The following DLG2 variants were observed in gnomAD, a reference collection of about 807,000 sequenced individuals.
DLG2 encodes disks large homolog 2.
A neutral mutation model predicts 132.5 loss-of-function variants in DLG2; 45 were observed. The observed-to-expected ratio is 0.34, with a 90% CI of 0.27 to 0.44. DLG2 has a LOEUF of 0.44. Among genes scored for constraint, DLG2 ranks in the 20% least tolerant of loss-of-function variants. The probability of loss-of-function intolerance (pLI) is 1.00; values close to 1 mark genes in which losing one functional copy is unlikely to be tolerated. For missense variants in DLG2, 1,045 were observed against 1,196.9 expected, an observed-to-expected ratio of 0.87 and a Z score of 1.87; for synonymous variants, 424 against 419.6, an observed-to-expected ratio of 1.01 and a Z score of -0.13.
intron 6 of DLG2, among the ~76,000 whole-genome samples, chr11:84,708,681 AGGAACCT>A (rs1444912620): frequency 1.3e-5 from 2 of 151,900 alleles, no homozygotes; most frequent in African/African-American, 4.8e-5. Flanking sequence ...TGCTGTAGCT[AGGAACCT>A]GTCAGCATTT....
At chr11:83,799,434 G>A (rs930966462) in intron 17 of DLG2, among the ~76,000 whole-genome samples, 3 of 152,162 alleles carry the variant, frequency 2.0e-5, no homozygotes, top group Admixed American at 6.5e-5. Context: ...GTAGATAATC[G>A]GATGTGATAC....
intron 6 of DLG2, among the ~76,000 whole-genome samples, chr11:84,540,325 G>T (rs2099365155): frequency 7.2e-6 from 1 of 139,562 alleles, no homozygotes; most frequent in East Asian, 2.1e-4. Flanking sequence ...AATCCACAAA[G>T]AACTTAAACA....
intron 6 of DLG2, among the ~76,000 whole-genome samples, chr11:84,586,682 TTTG>T (rs1338488499): frequency 4.6e-5 from 7 of 152,156 alleles, no homozygotes; most frequent in African/African-American, 1.7e-4. Flanking sequence ...TTGCTTTATA[TTTG>T]TTATTGACTT....
chr11:85,094,074 T>G (rs2069315279), intron 6 of DLG2, among the ~76,000 whole-genome samples: 1 of 152,252 alleles, frequency 6.6e-6, no homozygotes, highest in Non-Finnish European at 1.5e-5. Flanking sequence ...CTTTAGGATT[T>G]TAATCTTTTT....
At chr11:84,086,561 C>T (rs2096985660) in intron 10 of DLG2, among the ~76,000 whole-genome samples, 1 of 148,148 alleles carries the variant, frequency 6.8e-6, no homozygotes, top group Non-Finnish European at 1.5e-5. Flanking sequence ...GCAATCATGG[C>T]TCACTGCAGC....
Position 84,058,593 on chromosome 11 carries a change from G to A in DLG2, c.919+722C>T, listed in dbSNP as rs1229775243. Among the ~76,000 whole-genome samples, 5 of 150,872 alleles carry A rather than the reference G, an allele frequency of 3.3e-5. No individual in the cohort carries two copies. In the East Asian group the frequency reaches 9.7e-4, roughly 29 times the overall value. ...TCCCAGCTATTTGAGAGGCTGAGAT[G>A]GGAGGATCACTTGAGCCCAGGAGCT... On this transcript the variant is annotated intron_variant, in intron 11 of 27. Coordinates refer to ENST00000376104, the MANE Select transcript of DLG2 (RefSeq NM_001142699.3).
In DLG2 at chr11:84,473,606, T is replaced by C. The variant is rs930645318; in HGVS notation, c.519+60964A>G. On this transcript the variant is annotated intron_variant, in intron 7 of 27. Coordinates refer to ENST00000376104, the MANE Select transcript of DLG2 (RefSeq NM_001142699.3). ...AGAATTAGCTCTATTAGAAGTATTC[T>C]AAAGCCATTTTCTCCAGAGGTAATT... is the stretch of plus-strand genomic sequence containing the variant. 4.6e-5 allele frequency among the ~76,000 whole-genome samples: 7 copies of C among 152,134 alleles called. No homozygotes were observed. The South Asian group carries it at 1.0e-3, about 23-fold the overall frequency.
intron 18 of DLG2, among the ~76,000 whole-genome samples, chr11:83,707,113 T>A (rs1386949413): frequency 1.3e-5 from 2 of 152,192 alleles, no homozygotes; most frequent in Non-Finnish European, 2.9e-5. Flanking sequence ...TTTCTAGAAC[T>A]AAGTGGTCTG....
Position 85,360,996 on chromosome 11 carries a change from C to A in DLG2, c.41-75631G>T, listed in dbSNP as rs185898904. Among the ~76,000 whole-genome samples the A allele has an allele frequency of 5.9e-4, 89 of 152,126 alleles. 1 individual carries two copies. The highest frequency in any genetic ancestry group is 5.8e-3 in the Admixed American group (89 of 15,280). ...TGTAAAGCTCTTCCCTATAGTATTT[C>A]ATTGTATTTTTACAGCTCTATGAAA... On this transcript the variant is annotated intron_variant, in intron 3 of 27. Coordinates refer to ENST00000376104, the MANE Select transcript of DLG2 (RefSeq NM_001142699.3).
chr11:84,687,582 T>C (rs573610230), intron 6 of DLG2, among the ~76,000 whole-genome samples: 7 of 152,318 alleles, frequency 4.6e-5, no homozygotes, highest in Non-Finnish European at 8.8e-5. Flanking sequence ...CCTGCCTTCT[T>C]AAATAAACTC....
chr11:85,270,243 G>C (rs1346199929), intron 4 of DLG2, among the ~76,000 whole-genome samples: 1 of 152,140 alleles, frequency 6.6e-6, no homozygotes, highest in Non-Finnish European at 1.5e-5. Context: ...TCTCATGATA[G>C]TGAATAAGTC....
intron 6 of DLG2, among the ~76,000 whole-genome samples, chr11:84,678,622 G>T (rs918822122): frequency 6.6e-6 from 1 of 152,084 alleles, no homozygotes; most frequent in Non-Finnish European, 1.5e-5. Flanking sequence ...CACTTGAAAA[G>T]ATGCCTGGCA....
At chr11:84,231,266 A>G (rs1567003419) in intron 8 of DLG2, among the ~76,000 whole-genome samples, 1 of 152,212 alleles carries the variant, frequency 6.6e-6, no homozygotes, top group Non-Finnish European at 1.5e-5. Flanking sequence ...TAGAAGAGTT[A>G]AATAGAATGA....
rs569750322 is a variant in DLG2 at position 85,492,473 on chromosome 11, T to C, written c.40+106184A>G. On this transcript the variant is annotated intron_variant, in intron 3 of 27. Coordinates refer to ENST00000376104, the MANE Select transcript of DLG2 (RefSeq NM_001142699.3). ...TGCAGTGTAAACTTTCACATTCAAA[T>C]CAGATAGTCATGACTAAGGTAACCC... Among the ~76,000 whole-genome samples, 52 of 152,328 alleles carry C rather than the reference T, an allele frequency of 3.4e-4. 1 individual carries two copies. In the South Asian group the frequency reaches 6.0e-3, roughly 18 times the overall value.
intron 3 of DLG2, among the ~76,000 whole-genome samples, chr11:85,497,070 A>C (rs775541186): frequency 1.3e-5 from 2 of 152,088 alleles, no homozygotes; most frequent in Non-Finnish European, 2.9e-5. Flanking sequence ...AATGAGATGG[A>C]GAATGAGTTT....
At chr11:85,136,802 T>G (rs2076169839) in intron 5 of DLG2, among the ~76,000 whole-genome samples, 2 of 152,158 alleles carry the variant, frequency 1.3e-5, no homozygotes. Context: ...TCTAAGCCCC[T>G]TGAGGGCAGA....
At position 84,330,897 on chromosome 11, in the gene DLG2, A is replaced by G. The variant is rs372419200; in HGVS notation, c.520-79606T>C. 7.2e-5 allele frequency among the ~76,000 whole-genome samples: 11 copies of G among 152,188 alleles called. No homozygotes were observed. In the East Asian group the frequency reaches 9.6e-4, roughly 13 times the overall value. Reference sequence around the variant, plus strand: ...AAAAACTGGGCAAAAGTTGAGGTGCATTTAGTGAACCTAGAACATAGGTTT... The same window carrying G: ...AAAAACTGGGCAAAAGTTGAGGTGCGTTTAGTGAACCTAGAACATAGGTTT... On this transcript the variant is annotated intron_variant, in intron 7 of 27. Transcript: ENST00000376104.
intron 8 of DLG2, among the ~76,000 whole-genome samples, chr11:84,235,693 C>T (rs1245805773): frequency 2.0e-5 from 3 of 152,042 alleles, no homozygotes; most frequent in African/African-American, 2.4e-5. Flanking sequence ...CTGTGCTGGA[C>T]CTTAGTTGCT....
intron 10 of DLG2, among the ~76,000 whole-genome samples, chr11:84,065,300 A>C (rs2096654179): frequency 6.6e-6 from 1 of 152,348 alleles, no homozygotes; most frequent in Non-Finnish European, 1.5e-5. Flanking sequence ...GAATGGAAGA[A>C]AATATTTGCA....
Sources: allele counts gnomAD v4.1 joint callset (sites outside exome capture counted in the v4.1 genomes callset), GRCh38; gene constraint gnomAD v4.1.1; transcripts MANE v1.5; gene names NCBI Gene and HGNC (gene_info 2026-07-23, HGNC 2026-07-21).